Variants in CHD8 observed in about 807,000 individuals in gnomAD.
CHD8 encodes chromodomain helicase DNA binding protein 8.
CHD8 carries 31 observed loss-of-function variants against 279.2 expected under a neutral mutation model. That is an observed-to-expected ratio of 0.11 (90% CI 0.08 to 0.15). CHD8 has a LOEUF of 0.15. Among genes scored for constraint, CHD8 ranks in the 10% least tolerant of loss-of-function variants. The probability of loss-of-function intolerance (pLI) is 1.00; values close to 1 mark genes in which losing one functional copy is unlikely to be tolerated. For synonymous variants in CHD8, 1,081 were observed against 1,139.6 expected, an observed-to-expected ratio of 0.95 and a Z score of 1.04; for missense variants, 2,146 against 3,230.5, an observed-to-expected ratio of 0.66 and a Z score of 8.14.
At chr14:21,391,328 C>T in intron 36 of CHD8, 135 bp downstream of exon 36, 1 of 839,586 alleles carries the variant, frequency 1.2e-6, no homozygotes, top group South Asian at 1.8e-5. Flanking sequence ...GGTTGGAAGA[C>T]TGGGTATTAT....
rs537239292 is a variant in CHD8 at position 21,451,717 on chromosome 14, G to A, written c.-216+4315C>T. Among the ~76,000 whole-genome samples the A allele has an allele frequency of 3.3e-5, 5 of 151,846 alleles. No individual in the cohort carries two copies. In the South Asian group the frequency reaches 1.0e-3, roughly 32 times the overall value. ...TTTAAGTCTCCTGCTGCAACCTGAA[G>A]GCAACAAATAAGATATTTTGAAGTT... On this transcript the variant is annotated intron_variant, in intron 1 of 37. Coordinates refer to ENST00000646647, the MANE Select transcript of CHD8 (RefSeq NM_001170629.2).
intron 1 of CHD8, among the ~76,000 whole-genome samples, chr14:21,449,139 A>C (rs964330744): frequency 1.4e-4 from 21 of 152,036 alleles, no homozygotes; most frequent in Non-Finnish European, 2.1e-4. Flanking sequence ...GCGCCACTGC[A>C]CTCCAGCCTG....
At chr14:21,397,500 G>A (rs985542681) in intron 27 of CHD8, 8 of 391,496 alleles carry the variant, frequency 2.0e-5, no homozygotes, top group African/African-American at 1.5e-4. Context: ...CAGAAGCAAC[G>A]TATGAGAGCT....
At position 21,448,916 on chromosome 14, in the gene CHD8, T is replaced by A. The variant is rs188619712; in HGVS notation, c.-216+7116A>T. On this transcript the variant is annotated intron_variant, in intron 1 of 37. Coordinates refer to ENST00000646647, the MANE Select transcript of CHD8 (RefSeq NM_001170629.2). ...TGGGCTGGGCACGGTGGCTCACGCC[T>A]GTAATCCCAGTACTTTGGGAGGCCG... Among the ~76,000 whole-genome samples the A allele has an allele frequency of 7.1e-3, 1,072 of 150,290 alleles. 10 individuals carry two copies. The highest frequency in any genetic ancestry group is 0.024 in the African/African-American group (1,000 of 41,270).
In CHD8 at chr14:21,407,033, C is replaced by A; in HGVS notation, c.2731-1G>T. 6.4e-7 allele frequency: 1 copy of A among 1,569,630 alleles called. No homozygotes were observed. On this transcript the variant is annotated splice_acceptor_variant, in intron 13 of 37. Transcript: ENST00000646647. LOFTEE classifies it high-confidence loss of function. ...TGTATGCGCCTGGGATGAGGCGTCC[C>A]TAAGCATGAAGGCAGTAAAGTCAGA...
chr14:21,451,617 AG>A (rs1250316348), intron 1 of CHD8, among the ~76,000 whole-genome samples: 1 of 148,518 alleles, frequency 6.7e-6, no homozygotes, highest in Non-Finnish European at 1.5e-5. Flanking sequence ...TATCTATGCC[AG>A]GCTAATTTCT....
At chr14:21,418,510 C>A (rs758725556) in intron 5 of CHD8, among the ~76,000 whole-genome samples, 26 of 141,448 alleles carry the variant, frequency 1.8e-4, no homozygotes, top group Non-Finnish European at 6.1e-5. Context: ...AGAGTGAGAC[C>A]CTGTCTCAAA....
chr14:21,405,556 A>G lies in CHD8; in HGVS notation c.3052-92T>C. 6.6e-7 allele frequency: 1 copy of G among 1,514,528 alleles called. No individual in the cohort carries two copies. The highest frequency in any genetic ancestry group is 2.0e-5 in the Admixed American group (1 of 49,510). 93.8% of individuals were successfully genotyped at this position (1,514,528 alleles called of 1,614,324 possible). On this transcript the variant is annotated intron_variant, in intron 15 of 37. Transcript: ENST00000646647. This position sits in a 1 kb window ranked among gnomAD's most constrained non-coding sequence, Gnocchi z 4.2. ...AAACATGGAAAAATTAGAGTTTTCC[A>G]CTATCTAAGAAATGTATACTTTGGA...
At position 21,393,243 on chromosome 14, in the gene CHD8, G is replaced by A. The variant is rs758413407; in HGVS notation, c.6331C>T (p.Arg2111Cys). 2.2e-5 allele frequency: 36 copies of A among 1,613,810 alleles called. No individual in the cohort carries two copies. The highest frequency in any genetic ancestry group is 1.6e-4 in the Middle Eastern group (1 of 6,076). Residue 2111 changes from arginine (R) to cysteine (C), a missense_variant, in exon 33 of 38, where the codon CGC (arginine) becomes TGC (cysteine). Transcript: ENST00000646647. ...CTCTCTTCATCATAGAGCTTTGAGC[G>A]GGACTGGTCAGCTGGTAAGAGAGCC... ...EKEEKLTDQSRSKLYDEESLL... is the reference protein window; with the variant it reads ...EKEEKLTDQSCSKLYDEESLL...
chr14:21,428,474 T>C (rs1188423683), intron 3 of CHD8, among the ~76,000 whole-genome samples: 3 of 152,192 alleles, frequency 2.0e-5, no homozygotes, highest in Admixed American at 6.5e-5. Context: ...AACTTTAGTA[T>C]CTTTTTGCTA....
At chr14:21,413,303 C>T (rs1340200117) in intron 9 of CHD8, among the ~76,000 whole-genome samples, 1 of 151,964 alleles carries the variant, frequency 6.6e-6, no homozygotes, top group Non-Finnish European at 1.5e-5. Context: ...CATAAATACA[C>T]GTATATGTTC....
chr14:21,386,309 A>G, intron 37 of CHD8, 133 bp from the exon 38 acceptor site: 1 of 782,102 alleles, frequency 1.3e-6, no homozygotes, highest in Non-Finnish European at 2.0e-6. Flanking sequence ...AAGCACAGCG[A>G]TACTAGGCTT....
chr14:21,428,280 T>G (rs766732825), intron 3 of CHD8, 26 bp from the exon 4 acceptor site: 1 of 1,602,600 alleles, frequency 6.2e-7, no homozygotes, highest in Non-Finnish European at 8.5e-7. Flanking sequence ...TACTACAATT[T>G]CAACTTGCTT....
chr14:21,424,350 T>C (rs1210766656), intron 5 of CHD8, among the ~76,000 whole-genome samples: 1 of 152,214 alleles, frequency 6.6e-6, no homozygotes, highest in Admixed American at 6.5e-5. Context: ...CTCTACTGTG[T>C]TTTATTAATC....
intron 37 of CHD8, 153 bp from the exon 38 acceptor site, chr14:21,386,329 T>C: frequency 1.5e-6 from 1 of 664,508 alleles, no homozygotes; most frequent in Non-Finnish European, 2.5e-6. Context: ...TGATTGGTGG[T>C]AATGGGAAGG....
In CHD8 at chr14:21,437,000, C is replaced by A. The variant is rs1228569269; in HGVS notation, c.-215-5142G>T. 4.7e-6 allele frequency: 6 copies of A among 1,270,124 alleles called. No homozygotes were observed. The African/African-American group carries it at 8.4e-5, about 18-fold the overall frequency. The allele number at this position is 1,270,124 out of a possible 1,614,324, so 78.7% of individuals were successfully genotyped here. Reference sequence around the variant, plus strand: ...CCAAAATGGAAATGAGGTACATGCACTTGAGGTAAGGAGCTAGCGGGGGTG... The same window carrying A: ...CCAAAATGGAAATGAGGTACATGCAATTGAGGTAAGGAGCTAGCGGGGGTG... On this transcript the variant is annotated intron_variant, in intron 1 of 37. Coordinates refer to ENST00000646647, the MANE Select transcript of CHD8 (RefSeq NM_001170629.2).
At chr14:21,399,366 G>A in intron 26 of CHD8, 1 of 496,392 alleles carries the variant, frequency 2.0e-6, no homozygotes, top group Non-Finnish European at 3.7e-6. Flanking sequence ...ACAGTGATTA[G>A]AGAACAGATG....
chr14:21,392,044 G>T, intron 34 of CHD8, 98 bp from the exon 35 acceptor site: 2 of 872,810 alleles, frequency 2.3e-6, no homozygotes, highest in Non-Finnish European at 3.9e-6. Flanking sequence ...TCATCCTCTT[G>T]CCCAATGATG....
chr14:21,430,349 G>A (rs1889515115), intron 2 of CHD8: 1 of 159,654 alleles, frequency 6.3e-6, no homozygotes, highest in Non-Finnish European at 1.4e-5. Context: ...AAAGTAGGAG[G>A]GGGACAATCT....
Sources: gnomAD v4.1 joint callset for allele counts (sites outside exome capture counted in the v4.1 genomes callset) on GRCh38, gnomAD v4.1.1 for gene constraint, Gnocchi (gnomAD v3.1) non-coding constraint, MANE v1.5 for transcripts, NCBI Gene and HGNC (gene_info 2026-07-23, HGNC 2026-07-21) for gene names.